Variants in BBS9 observed in about 807,000 individuals in gnomAD.
BBS9 encodes the protein Bardet-Biedl syndrome 9, also known as protein PTHB1.
A neutral mutation model predicts 117.7 loss-of-function variants in BBS9; 89 were observed. That is an observed-to-expected ratio of 0.76 (90% CI 0.64 to 0.90). BBS9 has a LOEUF of 0.90. BBS9 is among the 40% of genes least tolerant of loss of function. The pLI, the probability that BBS9 is intolerant of heterozygous loss-of-function variation, is 0.00. For synonymous variants in BBS9, 379 were observed against 370.9 expected, an observed-to-expected ratio of 1.02 and a Z score of -0.25; for missense variants, 982 against 1,042.2, an observed-to-expected ratio of 0.94 and a Z score of 0.80.
Position 33,534,090 on chromosome 7 carries a change from T to G in BBS9, c.2435T>G (p.Ile812Ser), listed in dbSNP as rs752588678. The change falls in exon 21 of 23, where the codon ATC becomes AGC. Residue 812 changes from isoleucine to serine, a missense_variant. Transcript: ENST00000242067. ...PKDTSQLKKH[I>S]TLLCDRLSKG... ...GACACAAGCCAACTGAAGAAACATA[T>G]CACCTTGCTCTGCGATAGATTATCC... 6.2e-7 allele frequency: 1 copy of G among 1,614,138 alleles called. No homozygotes were observed. Among genetic ancestry groups the G allele is most frequent in the Admixed American group, 1.7e-5 (1 of 60,026 alleles).
intron 9 of BBS9, among the ~76,000 whole-genome samples, chr7:33,305,938 T>C (rs747154023): frequency 1.3e-5 from 2 of 152,118 alleles, no homozygotes; most frequent in Non-Finnish European, 2.9e-5. Flanking sequence ...TCCTTTCTTG[T>C]AATGATTTTG....
chr7:33,388,482 A>G (rs1395445216), intron 19 of BBS9, among the ~76,000 whole-genome samples: 1 of 152,218 alleles, frequency 6.6e-6, no homozygotes, highest in African/African-American at 2.4e-5. Flanking sequence ...TATGATTAGT[A>G]TTATGAGACA....
chr7:33,358,046 A>C (rs759045209), intron 16 of BBS9, 51 bp downstream of exon 16: 1 of 1,576,046 alleles, frequency 6.3e-7, no homozygotes, highest in Non-Finnish European at 8.7e-7. Flanking sequence ...CTAAGAATTT[A>C]GAATGGAATC....
At chr7:33,578,169 T>A (rs1859263863) in intron 21 of BBS9, among the ~76,000 whole-genome samples, 1 of 152,198 alleles carries the variant, frequency 6.6e-6, no homozygotes, top group Non-Finnish European at 1.5e-5. Flanking sequence ...TTCACACAAG[T>A]TATCACATTT....
intron 19 of BBS9, among the ~76,000 whole-genome samples, chr7:33,398,491 C>T (rs1182391627): frequency 6.6e-6 from 1 of 152,162 alleles, no homozygotes; most frequent in Non-Finnish European, 1.5e-5. Context: ...GAGCAATATA[C>T]AAAGCTCTTT....
chr7:33,169,414 T>G lies in BBS9; in HGVS notation c.329-8064T>G, dbSNP rs1167412384. 1.1e-4 allele frequency among the ~76,000 whole-genome samples: 17 copies of G among 151,774 alleles called. No individual in the cohort carries two copies. The East Asian group carries it at 1.2e-3, about 10-fold the overall frequency. On this transcript the variant is annotated intron_variant, in intron 4 of 22. Transcript: ENST00000242067. The stretch of plus-strand genomic sequence containing the variant: ...GACTTCCACAATGGTTGAACTAGTT[T>G]ACAGTCCCACCAACAGTGTAAAAGT...
intron 16 of BBS9, 137 bp downstream of exon 16, chr7:33,358,132 T>C: frequency 8.8e-7 from 1 of 1,141,442 alleles, no homozygotes; most frequent in Admixed American, 2.0e-5. Flanking sequence ...CAAGGATTTT[T>C]CCCTCCTTTG....
chr7:33,205,730 C>G (rs1786781504), intron 5 of BBS9, among the ~76,000 whole-genome samples: 1 of 152,034 alleles, frequency 6.6e-6, no homozygotes, highest in Non-Finnish European at 1.5e-5. Context: ...GTCTTATTTT[C>G]CTGTTCATAT....
intron 4 of BBS9, among the ~76,000 whole-genome samples, chr7:33,160,614 T>C (rs1794698213): frequency 6.6e-6 from 1 of 152,168 alleles, no homozygotes; most frequent in Non-Finnish European, 1.5e-5. Flanking sequence ...ATGGATACCA[T>C]CTTCTTCTGG....
chr7:33,487,520 G>A (rs1843281148), intron 19 of BBS9, among the ~76,000 whole-genome samples: 1 of 152,174 alleles, frequency 6.6e-6, no homozygotes, highest in Non-Finnish European at 1.5e-5. Context: ...TAGAGAAACA[G>A]GAGGATTGTC....
At chr7:33,590,459 G>GTTTTTTTGTTTTTGTTTTTGT (rs1554551689) in intron 21 of BBS9, among the ~76,000 whole-genome samples, 1 of 101,510 alleles carries the variant, frequency 9.9e-6, no homozygotes, top group East Asian at 2.9e-4. Context: ...TTGTTTTTTT[G>GTTTTTTTGTTTTTGTTTTTGT]TTTTTTTTTT....
At chr7:33,316,106 T>C (rs1310410703) in intron 9 of BBS9, among the ~76,000 whole-genome samples, 1 of 152,200 alleles carries the variant, frequency 6.6e-6, no homozygotes, top group African/African-American at 2.4e-5. Context: ...GCTTTCTCTG[T>C]TAATAATCCC....
chr7:33,136,884 A>G (rs1229105708), intron 1 of BBS9, among the ~76,000 whole-genome samples: 1 of 152,124 alleles, frequency 6.6e-6, no homozygotes, highest in Non-Finnish European at 1.5e-5. Context: ...TGGTTTTTGA[A>G]GAATTGGGAT....
intron 19 of BBS9, among the ~76,000 whole-genome samples, 176 bp from the exon 20 acceptor site, chr7:33,505,287 A>T (rs77204979): frequency 7.1e-6 from 1 of 140,486 alleles, no homozygotes; most frequent in South Asian, 2.3e-4. Context: ...ATTTTTTTTT[A>T]AAGAAGGAAG....
At chr7:33,603,945 G>T (rs1864194225) in intron 21 of BBS9, among the ~76,000 whole-genome samples, 3 of 152,122 alleles carry the variant, frequency 2.0e-5, no homozygotes, top group Admixed American at 2.0e-4. Context: ...AATCAGTGCT[G>T]CTGATACCCT....
rs1277096344 is a variant in BBS9, at chr7:33,357,606, T to C, written c.1553-249T>C. On this transcript the variant is annotated intron_variant, in intron 15 of 22. Transcript: ENST00000242067. ...TCCAAATGTGATGATTTTAAAAATA[T>C]GATACTATTAAAGACAGATCTCATG... 9.5e-6 allele frequency: 5 copies of C among 524,110 alleles called. 1 individual carries two copies. Among genetic ancestry groups the C allele is most frequent in the African/African-American group, 5.8e-5 (3 of 52,056 alleles). The allele number at this position is 524,110 out of a possible 1,614,324, so 32.5% of individuals were successfully genotyped here. A position where few individuals can be genotyped will look rare whatever the true frequency, so the allele number is the denominator to read the frequency against.
chr7:33,232,163 C>G (rs1340930292), intron 5 of BBS9, among the ~76,000 whole-genome samples: 1 of 152,054 alleles, frequency 6.6e-6, no homozygotes, highest in Non-Finnish European at 1.5e-5. Context: ...TTCTTTGGTA[C>G]TATTATACAT....
At chr7:33,536,703 C>CCCG (rs1851476743) in intron 21 of BBS9, among the ~76,000 whole-genome samples, 1 of 137,092 alleles carries the variant, frequency 7.3e-6, no homozygotes, top group Non-Finnish European at 1.6e-5. Context: ...CCGCCTCCCC[C>CCCG]CACCCCACTT....
intron 21 of BBS9, among the ~76,000 whole-genome samples, chr7:33,565,972 A>G (rs2129127673): frequency 6.7e-6 from 1 of 149,826 alleles, no homozygotes; most frequent in East Asian, 2.0e-4. Flanking sequence ...TCTTATTTGA[A>G]TCACTTATTT....
Sources: allele counts gnomAD v4.1 joint callset (sites outside exome capture counted in the v4.1 genomes callset), GRCh38; gene constraint gnomAD v4.1.1; transcripts MANE v1.5; gene names NCBI Gene and HGNC (gene_info 2026-07-23, HGNC 2026-07-21).